CSMD1: variants seen among roughly 807,000 people sequenced by gnomAD.
CSMD1 encodes CUB and Sushi multiple domains 1, also known as CUB and sushi domain-containing protein 1.
A neutral mutation model predicts 417.5 loss-of-function variants in CSMD1; 213 were observed. The observed-to-expected ratio is 0.51, with a 90% CI of 0.46 to 0.57. CSMD1 has a LOEUF of 0.57. CSMD1 is among the 20% of genes least tolerant of loss of function. The pLI, the probability that CSMD1 is intolerant of heterozygous loss-of-function variation, is 0.00. For synonymous variants in CSMD1, 2,862 were observed against 1,736.8 expected (o/e 1.65, Z -16.11); for missense variants, 6,923 against 4,529.7 (o/e 1.53, Z -15.17).
chr8:4,210,433 A>C (rs11784925), intron 3 of CSMD1, among the ~76,000 whole-genome samples: 1 of 152,132 alleles, frequency 6.6e-6, no homozygotes, highest in African/African-American at 2.4e-5. Context: ...AATCTCAGTC[A>C]TTTTAAACAA....
chr8:4,509,477 C>T (rs371576583), intron 2 of CSMD1, among the ~76,000 whole-genome samples: 4 of 152,064 alleles, frequency 2.6e-5, no homozygotes, highest in African/African-American at 4.8e-5. Context: ...TAAACCTAAG[C>T]CATGGGATTC....
chr8:4,522,005 A>G (rs1442624581), intron 2 of CSMD1, among the ~76,000 whole-genome samples: 1 of 152,182 alleles, frequency 6.6e-6, no homozygotes, highest in Non-Finnish European at 1.5e-5. Flanking sequence ...TTGAAAATCA[A>G]GTGAACTGTG....
chr8:3,167,102 T>C (rs751403233), intron 37 of CSMD1, among the ~76,000 whole-genome samples: 6 of 152,054 alleles, frequency 3.9e-5, no homozygotes, highest in Admixed American at 6.6e-5. Flanking sequence ...CTGGTCAACA[T>C]GGTGAAACCC....
intron 7 of CSMD1, among the ~76,000 whole-genome samples, chr8:3,663,522 A>T (rs553627686): frequency 3.3e-5 from 5 of 152,254 alleles, no homozygotes; most frequent in African/African-American, 1.2e-4. Flanking sequence ...GCTACAGGGA[A>T]AAGTCAAGCT....
chr8:3,366,752 G>C (rs946434793), intron 20 of CSMD1, among the ~76,000 whole-genome samples: 4 of 152,122 alleles, frequency 2.6e-5, no homozygotes, highest in Non-Finnish European at 5.9e-5. Flanking sequence ...GAGTGAGAAG[G>C]GCTTTGCAGA....
At chr8:3,221,076 C>T (rs1798182959) in intron 28 of CSMD1, among the ~76,000 whole-genome samples, 2 of 152,030 alleles carry the variant, frequency 1.3e-5, no homozygotes, top group African/African-American at 4.8e-5. Context: ...CTAGGTGGCT[C>T]CACTTGATCT....
chr8:4,220,183 T>A, intron 3 of CSMD1, among the ~76,000 whole-genome samples: 1 of 152,348 alleles, frequency 6.6e-6, no homozygotes, highest in East Asian at 1.9e-4. Flanking sequence ...ACTCCTGACG[T>A]CAGGTGATGT....
chr8:3,328,344 T>G (rs1328068238), intron 23 of CSMD1, among the ~76,000 whole-genome samples: 3 of 152,196 alleles, frequency 2.0e-5, no homozygotes, highest in African/African-American at 4.8e-5. Context: ...GCACCTCTGC[T>G]TCCTCTCTCA....
intron 3 of CSMD1, among the ~76,000 whole-genome samples, chr8:4,364,110 G>A (rs914962183): frequency 2.6e-5 from 4 of 152,138 alleles, no homozygotes; most frequent in African/African-American, 9.7e-5. Context: ...TCCCCATCAT[G>A]TCTTTATTAT....
At chr8:3,700,304 T>C (rs373456210) in intron 7 of CSMD1, among the ~76,000 whole-genome samples, 4 of 152,310 alleles carry the variant, frequency 2.6e-5, no homozygotes, top group African/African-American at 2.4e-5. Flanking sequence ...CCTGCCCTCA[T>C]GTAGTTCAGT....
At chr8:4,809,246 A>G (rs937803019) in intron 1 of CSMD1, among the ~76,000 whole-genome samples, 5 of 152,218 alleles carry the variant, frequency 3.3e-5, no homozygotes, top group Admixed American at 1.3e-4. Context: ...TGAATTAGGA[A>G]AAAATACTTC....
intron 3 of CSMD1, among the ~76,000 whole-genome samples, chr8:4,143,421 C>T (rs561455242): frequency 6.8e-6 from 1 of 147,404 alleles, no homozygotes; most frequent in East Asian, 2.0e-4. Context: ...GGAACCCAGG[C>T]TGAAAGTTCG....
intron 1 of CSMD1, among the ~76,000 whole-genome samples, chr8:4,687,568 G>A (rs1051042193): frequency 6.6e-6 from 1 of 152,076 alleles, no homozygotes; most frequent in Non-Finnish European, 1.5e-5. Context: ...AAATTTTATA[G>A]GAGCATCACA....
chr8:4,245,070 T>G (rs1802623693), intron 3 of CSMD1, among the ~76,000 whole-genome samples: 1 of 152,184 alleles, frequency 6.6e-6, no homozygotes, highest in African/African-American at 2.4e-5. Context: ...TATAGCTATT[T>G]TGCCAACCTG....
chr8:3,931,971 A>T (rs2129658144), intron 5 of CSMD1, among the ~76,000 whole-genome samples: 1 of 150,090 alleles, frequency 6.7e-6, no homozygotes, highest in African/African-American at 2.5e-5. Flanking sequence ...TTAAAAAATT[A>T]AAATAGTATT....
chr8:4,108,031 G>A (rs1801656931), intron 3 of CSMD1, among the ~76,000 whole-genome samples: 1 of 151,828 alleles, frequency 6.6e-6, no homozygotes, highest in East Asian at 1.9e-4. Flanking sequence ...AGGGGAGAGA[G>A]AGAGAGAGAA....
intron 2 of CSMD1, among the ~76,000 whole-genome samples, chr8:4,561,949 GC>G (rs1467622967): frequency 6.6e-6 from 1 of 152,134 alleles, no homozygotes; most frequent in Non-Finnish European, 1.5e-5. Flanking sequence ...GACACTGCCA[GC>G]CCCTCACAAC....
chr8:4,081,837 A>T (rs1800151464), intron 3 of CSMD1, among the ~76,000 whole-genome samples: 1 of 152,164 alleles, frequency 6.6e-6, no homozygotes, highest in Non-Finnish European at 1.5e-5. Flanking sequence ...AGTTAAAAAA[A>T]GTTGAAACCA....
chr8:4,467,058 AAG>A (rs1424504804), intron 2 of CSMD1, among the ~76,000 whole-genome samples: 9 of 151,676 alleles, frequency 5.9e-5, no homozygotes, highest in Non-Finnish European at 1.2e-4. Flanking sequence ...GAACAATTAA[AAG>A]AAGTGATTAG....
Sources: gnomAD v4.1 joint callset for allele counts (sites outside exome capture counted in the v4.1 genomes callset) on GRCh38, gnomAD v4.1.1 for gene constraint, MANE v1.5 for transcripts, NCBI Gene and HGNC (gene_info 2026-07-23, HGNC 2026-07-21) for gene names.